The following HRH2 variants were observed in gnomAD, a reference collection of about 807,000 sequenced individuals.
The protein encoded by HRH2 is histamine receptor H2, also known as histamine H2 receptor.
A neutral mutation model predicts 20.1 loss-of-function variants in HRH2; 4 were observed. The ratio of observed to expected loss-of-function variants is 0.20; its 90% CI spans 0.10 to 0.45. The LOEUF (loss-of-function observed/expected upper bound fraction) is 0.45, where lower values mean the gene tolerates loss of function less well. HRH2 is among the 20% of genes least tolerant of loss of function. The pLI, the probability that HRH2 is intolerant of heterozygous loss-of-function variation, is 0.99. For synonymous variants in HRH2, 197 were observed against 200.7 expected, an observed-to-expected ratio of 0.98 and a Z score of 0.16; for missense variants, 250 against 461.6, an observed-to-expected ratio of 0.54 and a Z score of 4.20.
chr5:175,706,482 T>C (rs1446480575), intron 2 of HRH2, among the ~76,000 whole-genome samples: 3 of 152,220 alleles, frequency 2.0e-5, no homozygotes, highest in African/African-American at 7.2e-5. Flanking sequence ...GGGAGGTGGT[T>C]ATTTCCTAGC....
chr5:175,678,744 G>A (rs1475408496), intron 1 of HRH2, among the ~76,000 whole-genome samples: 2 of 152,250 alleles, frequency 1.3e-5, no homozygotes, highest in Admixed American at 6.5e-5. Flanking sequence ...CTTTCAGGCC[G>A]AGTGAGAAGC....
intron 2 of HRH2, among the ~76,000 whole-genome samples, chr5:175,702,130 G>C (rs1309361563): frequency 6.6e-6 from 1 of 152,098 alleles, no homozygotes; most frequent in Non-Finnish European, 1.5e-5. Context: ...CCTGCCACTG[G>C]GCTTTTTAAA....
At chr5:175,684,475 A>G (rs555851214) in intron 2 of HRH2, 166 bp downstream of exon 2, 311 of 508,746 alleles carry the variant, frequency 6.1e-4, no homozygotes, top group Non-Finnish European at 7.4e-4. Context: ...AACGGCCCCC[A>G]AAGGTAGAAC....
intron 2 of HRH2, among the ~76,000 whole-genome samples, chr5:175,698,471 G>A (rs1326277897): frequency 1.3e-5 from 2 of 152,120 alleles, no homozygotes; most frequent in African/African-American, 2.4e-5. Flanking sequence ...ACTTGTTCTC[G>A]CTTTATCGTG....
intron 2 of HRH2, chr5:175,685,399 C>T (rs553045984): frequency 3.2e-5 from 49 of 1,546,186 alleles, no homozygotes; most frequent in East Asian, 1.2e-4. Context: ...TTTCCTTTCT[C>T]TTCCCACAGA....
Position 175,682,943 on chromosome 5 carries a change from G to A in HRH2, c.-291G>A. ...CTCTTCAGGGGACCGTCTGAGGACTGGAGTTTGATCCATGAACCTGGCTTC... is the reference window on the plus strand; with the variant it reads ...CTCTTCAGGGGACCGTCTGAGGACTAGAGTTTGATCCATGAACCTGGCTTC... On this transcript the variant is annotated 5_prime_UTR_variant, in exon 2 of 3. Coordinates refer to ENST00000636584, the MANE Select transcript of HRH2 (RefSeq NM_001367711.1). The A allele has an allele frequency of 2.7e-6, 1 of 376,474 alleles. No individual in the cohort carries two copies. Among genetic ancestry groups the A allele is most frequent in the Non-Finnish European group, 4.8e-6 (1 of 210,028 alleles). The allele number at this position is 376,474 out of a possible 1,614,324, so 23.3% of individuals were successfully genotyped here. A position where few individuals can be genotyped will look rare whatever the true frequency, so the allele number is the denominator to read the frequency against.
chr5:175,705,379 T>C (rs1357154489), intron 2 of HRH2, among the ~76,000 whole-genome samples: 1 of 152,184 alleles, frequency 6.6e-6, no homozygotes, highest in Non-Finnish European at 1.5e-5. Context: ...TCCAGTGAAG[T>C]CCTAAGCAGC....
chr5:175,682,953 C>T lies in HRH2; in HGVS notation c.-281C>T. On this transcript the variant is annotated 5_prime_UTR_variant, in exon 2 of 3. Transcript: ENST00000636584. Reference sequence around the variant, plus strand: ...GACCGTCTGAGGACTGGAGTTTGATCCATGAACCTGGCTTCGAGGCCTTGC... The same window carrying T: ...GACCGTCTGAGGACTGGAGTTTGATTCATGAACCTGGCTTCGAGGCCTTGC... 1 of 393,580 alleles carries T rather than the reference C, an allele frequency of 2.5e-6. No individual in the cohort carries two copies. Among genetic ancestry groups the T allele is most frequent in the East Asian group, 4.5e-5 (1 of 22,390 alleles). 24.4% of individuals were successfully genotyped at this position (393,580 alleles called of 1,614,324 possible). A position where few individuals can be genotyped will look rare whatever the true frequency, so the allele number is the denominator to read the frequency against.
chr5:175,666,460 T>C (rs1300461959), intron 1 of HRH2, among the ~76,000 whole-genome samples: 1 of 152,152 alleles, frequency 6.6e-6, no homozygotes, highest in Non-Finnish European at 1.5e-5. Context: ...AGAGTCTCAC[T>C]CCGTCACTGA....
chr5:175,693,454 G>A lies in HRH2; in HGVS notation c.1076+9145G>A, dbSNP rs376948343. ...CATGTAGAAATTTGCAGAAAGTAGC[G>A]AGGGCCTCACAGACGGGACGTCGCA... On this transcript the variant is annotated intron_variant, in intron 2 of 2. Coordinates refer to ENST00000636584, the MANE Select transcript of HRH2 (RefSeq NM_001367711.1). The surrounding 1 kb of genome is among the most constrained non-coding windows in gnomAD (Gnocchi z 4.4). Among the ~76,000 whole-genome samples, 1 of 152,266 alleles carries A rather than the reference G, an allele frequency of 6.6e-6. No individual in the cohort carries two copies. The highest frequency in any genetic ancestry group is 1.9e-4 in the East Asian group (1 of 5,170).
chr5:175,703,113 G>A (rs570116783), intron 2 of HRH2, among the ~76,000 whole-genome samples: 220 of 152,238 alleles, frequency 1.4e-3, no homozygotes, highest in Non-Finnish European at 2.6e-3. Context: ...AACACAAAGC[G>A]CTTAGGACAC....
At position 175,687,895 on chromosome 5, in the gene HRH2, T is replaced by G. The variant is rs1211041197; in HGVS notation, c.1076+3586T>G. On this transcript the variant is annotated intron_variant, in intron 2 of 2. Transcript: ENST00000636584. The surrounding 1 kb of genome is among the most constrained non-coding windows in gnomAD (Gnocchi z 5.2). ...CCATAACACATCCCCACCAGCCTAG[T>G]GGCCAAACACAACACACGTTATTCC... Among the ~76,000 whole-genome samples, 1 of 152,214 alleles carries G rather than the reference T, an allele frequency of 6.6e-6. No homozygotes were observed. Among genetic ancestry groups the G allele is most frequent in the Admixed American group, 6.5e-5 (1 of 15,282 alleles).
At chr5:175,676,660 G>T (rs1755771810) in intron 1 of HRH2, among the ~76,000 whole-genome samples, 1 of 152,216 alleles carries the variant, frequency 6.6e-6, no homozygotes, top group African/African-American at 2.4e-5. Flanking sequence ...TTGCATAGTG[G>T]TCAAGGCTTA....
chr5:175,703,427 C>T (rs2113562758), intron 2 of HRH2, among the ~76,000 whole-genome samples: 1 of 152,176 alleles, frequency 6.6e-6, no homozygotes, highest in Non-Finnish European at 1.5e-5. Context: ...TAAAACGCTA[C>T]TCAAAAGGAA....
At chr5:175,670,736 G>T (rs1209981008) in intron 1 of HRH2, among the ~76,000 whole-genome samples, 1 of 152,224 alleles carries the variant, frequency 6.6e-6, no homozygotes, top group Admixed American at 6.5e-5. Context: ...GAGACCCTTG[G>T]AGAGTCTACA....
chr5:175,685,104 G>A (rs1430800311), intron 2 of HRH2, among the ~76,000 whole-genome samples: 1 of 152,136 alleles, frequency 6.6e-6, no homozygotes, highest in Non-Finnish European at 1.5e-5. Flanking sequence ...CAGACTCTGG[G>A]ATGTTCAGAG....
chr5:175,680,296 A>G (rs1755917399), intron 1 of HRH2, among the ~76,000 whole-genome samples: 1 of 152,194 alleles, frequency 6.6e-6, no homozygotes, highest in Non-Finnish European at 1.5e-5. Context: ...ATTTTACAAG[A>G]AGTGAAGGAG....
Position 175,710,113 on chromosome 5 carries a change from G to A in HRH2, c.*2142G>A, listed in dbSNP as rs1757049853. On this transcript the variant is annotated 3_prime_UTR_variant, in exon 3 of 3. Transcript: ENST00000636584. ...CAGGCCCCCTGCCACACCCCTCAGAGCTCTCCTTGGAAGGCACTGGCATGG... is the reference window on the plus strand; with the variant it reads ...CAGGCCCCCTGCCACACCCCTCAGAACTCTCCTTGGAAGGCACTGGCATGG... 6.6e-6 allele frequency: 1 copy of A among 152,374 alleles called. No homozygotes were observed. Among genetic ancestry groups the A allele is most frequent in the Non-Finnish European group, 1.5e-5 (1 of 68,232 alleles). The allele number at this position is 152,374 out of a possible 1,614,324, so 9.4% of individuals were successfully genotyped here.
chr5:175,683,300 G>A lies in HRH2; in HGVS notation c.67G>A (p.Val23Met), dbSNP rs768909257. Residue 23 changes from valine to methionine, a missense_variant, in exon 2 of 3, where the codon GTG becomes ATG. Around this residue, in one of 5 missense-constraint regions of HRH2, gnomAD observed 86 missense variants for 176.4 expected, o/e 0.49. Coordinates refer to ENST00000636584, the MANE Select transcript of HRH2 (RefSeq NM_001367711.1). The stretch of plus-strand genomic sequence containing the variant: ...TACCGCATGCAAGATCACCATCACC[G>A]TGGTCCTTGCGGTCCTCATCCTCAT... ...DSTACKITIT[V>M]VLAVLILITV... The A allele has an allele frequency of 1.2e-5, 20 of 1,613,978 alleles. No homozygotes were observed. Among genetic ancestry groups the A allele is most frequent in the African/African-American group, 6.7e-5 (5 of 74,888 alleles).
Sources: allele counts gnomAD v4.1 joint callset (sites outside exome capture counted in the v4.1 genomes callset), GRCh38; gene constraint gnomAD v4.1.1; regional missense constraint gnomAD v4.1.1; non-coding constraint Gnocchi (gnomAD v3.1); transcripts MANE v1.5; gene names NCBI Gene and HGNC (gene_info 2026-07-23, HGNC 2026-07-21).